GRIP1: variants seen among roughly 807,000 people sequenced by gnomAD.
GRIP1 encodes glutamate receptor-interacting protein 1.
A neutral mutation model predicts 129.9 loss-of-function variants in GRIP1; 45 were observed. That is an observed-to-expected ratio of 0.35 (90% CI 0.27 to 0.44). The LOEUF (loss-of-function observed/expected upper bound fraction) is 0.44. Ranked by LOEUF, GRIP1 falls within the 20% of genes least tolerant of loss-of-function variation. GRIP1 has a pLI of 1.00. For missense variants in GRIP1, 1,196 were observed against 1,396.8 expected (o/e 0.86, Z 2.29); for synonymous variants, 530 against 520.8 (o/e 1.02, Z -0.24).
intron 13 of GRIP1, among the ~76,000 whole-genome samples, chr12:66,432,830 A>G (rs79588807): frequency 0.024 from 3,644 of 152,258 alleles, 155 homozygotes; most frequent in African/African-American, 0.083. Flanking sequence ...AACTGTGCAT[A>G]ATTCACACCA....
chr12:66,881,373 C>A (rs1272991211), intron 1 of GRIP1, among the ~76,000 whole-genome samples: 4 of 152,116 alleles, frequency 2.6e-5, no homozygotes, highest in African/African-American at 9.7e-5. Context: ...GCTGAAGCTG[C>A]TAATTGGCTC....
chr12:66,635,708 C>T (rs2140072673), intron 1 of GRIP1, among the ~76,000 whole-genome samples: 1 of 152,016 alleles, frequency 6.6e-6, no homozygotes, highest in Admixed American at 6.5e-5. Context: ...GATTAGTATC[C>T]AGAATACATA....
chr12:66,432,464 A>G (rs2058177248), intron 14 of GRIP1, 84 bp downstream of exon 14: 2 of 816,212 alleles, frequency 2.5e-6, no homozygotes, highest in African/African-American at 1.7e-5. Flanking sequence ...GACATATAAA[A>G]CATTTGTTAC....
chr12:66,638,185 TAGAA>T (rs1337782596), intron 1 of GRIP1, among the ~76,000 whole-genome samples: 4 of 152,202 alleles, frequency 2.6e-5, no homozygotes, highest in Non-Finnish European at 5.9e-5. Context: ...GGCAAGTTGT[TAGAA>T]AGAGTGAGAG....
intron 2 of GRIP1, among the ~76,000 whole-genome samples, chr12:66,587,757 C>T (rs983578804): frequency 4.4e-4 from 67 of 152,172 alleles, no homozygotes; most frequent in African/African-American, 1.4e-3. Context: ...CGAGTGTGCA[C>T]GGGTGAAGGG....
At chr12:66,780,438 T>C (rs2038121074) in intron 1 of GRIP1, among the ~76,000 whole-genome samples, 1 of 152,174 alleles carries the variant, frequency 6.6e-6, no homozygotes, top group Admixed American at 6.5e-5. Flanking sequence ...GTCTTGCCCC[T>C]GTGAACTCTT....
At chr12:67,018,293 G>A (rs1299696836) in intron 1 of GRIP1, among the ~76,000 whole-genome samples, 1 of 152,104 alleles carries the variant, frequency 6.6e-6, no homozygotes, top group Non-Finnish European at 1.5e-5. Flanking sequence ...GAGCTCCCAG[G>A]GAAGCTCATG....
At chr12:66,684,321 T>G (rs1288427086) in intron 1 of GRIP1, among the ~76,000 whole-genome samples, 2 of 152,178 alleles carry the variant, frequency 1.3e-5, no homozygotes, top group Non-Finnish European at 2.9e-5. Flanking sequence ...CAACATTTTC[T>G]GTCATTACAA....
intron 3 of GRIP1, among the ~76,000 whole-genome samples, chr12:66,540,892 G>A (rs555677131): frequency 1.2e-4 from 19 of 152,240 alleles, no homozygotes; most frequent in African/African-American, 2.9e-4. Context: ...CCTCCTGGGC[G>A]GATTCAAGTG....
rs4628762 is a variant in GRIP1, at chr12:66,539,015, T to A, written c.418+63A>T. ...ATAGGGTTTGGTATTATGAGCAGTTTTAGGCATCCACTGGGGGTCTTGGAA... is the reference window on the plus strand; with the variant it reads ...ATAGGGTTTGGTATTATGAGCAGTTATAGGCATCCACTGGGGGTCTTGGAA... On this transcript the variant is annotated intron_variant, in intron 4 of 24. Transcript: ENST00000359742. The A allele has an allele frequency of 9.9e-3, 13,760 of 1,384,410 alleles. 1,018 individuals carry two copies. The African/African-American group carries it at 0.17, about 17-fold the overall frequency. The allele number at this position is 1,384,410 out of a possible 1,614,324, so 85.8% of individuals were successfully genotyped here.
chr12:66,491,807 G>A (rs1317116402), intron 7 of GRIP1, among the ~76,000 whole-genome samples: 1 of 152,094 alleles, frequency 6.6e-6, no homozygotes, highest in Non-Finnish European at 1.5e-5. Flanking sequence ...TGCCACCAAG[G>A]CAAAAAATTA....
At chr12:66,937,847 A>C (rs1042287059) in intron 1 of GRIP1, among the ~76,000 whole-genome samples, 3 of 152,206 alleles carry the variant, frequency 2.0e-5, no homozygotes, top group African/African-American at 7.2e-5. Context: ...AGATTACAAC[A>C]AACAGGTGGT....
At chr12:66,806,295 T>C (rs879397682), upstream of GRIP1, among the ~76,000 whole-genome samples, 4 of 152,198 alleles carry the variant, frequency 2.6e-5, no homozygotes, top group Non-Finnish European at 4.4e-5. Context: ...TCAGAGATTA[T>C]TTTGTCTATC....
intron 1 of GRIP1, among the ~76,000 whole-genome samples, chr12:66,815,771 A>C (rs892117847): frequency 6.6e-6 from 1 of 151,624 alleles, no homozygotes; most frequent in African/African-American, 2.4e-5. Context: ...CTCAAACCAA[A>C]CAAACAAACA....
chr12:66,928,701 T>C (rs1449636737), intron 1 of GRIP1, among the ~76,000 whole-genome samples: 1 of 152,228 alleles, frequency 6.6e-6, no homozygotes, highest in Non-Finnish European at 1.5e-5. Context: ...AAATAGTGTC[T>C]GAAGTAGCTT....
At chr12:67,030,408 C>T (rs1214145429) in intron 1 of GRIP1, among the ~76,000 whole-genome samples, 2 of 151,940 alleles carry the variant, frequency 1.3e-5, no homozygotes, top group Admixed American at 1.3e-4. Context: ...TGAGAAGCAC[C>T]CATCTCTCTG....
intron 11 of GRIP1, among the ~76,000 whole-genome samples, chr12:66,451,672 G>A (rs2058811091): frequency 6.6e-6 from 1 of 151,630 alleles, no homozygotes; most frequent in African/African-American, 2.4e-5. Context: ...AGCCTCCCAA[G>A]GAATAATGTG....
chr12:66,741,533 G>C (rs975076858), intron 1 of GRIP1, among the ~76,000 whole-genome samples: 2 of 152,180 alleles, frequency 1.3e-5, no homozygotes, highest in Non-Finnish European at 2.9e-5. Flanking sequence ...GAAATATTAT[G>C]TGTGTCACAT....
At chr12:66,882,670 G>A (rs1041188841) in intron 1 of GRIP1, among the ~76,000 whole-genome samples, 1 of 152,124 alleles carries the variant, frequency 6.6e-6, no homozygotes, top group Non-Finnish European at 1.5e-5. Context: ...CATCATCATC[G>A]TTTTATTTCA....
Sources: gnomAD v4.1 joint callset for allele counts (sites outside exome capture counted in the v4.1 genomes callset) on GRCh38, gnomAD v4.1.1 for gene constraint, MANE v1.5 for transcripts, NCBI Gene and HGNC (gene_info 2026-07-23, HGNC 2026-07-21) for gene names.